UBE3C: variants seen among roughly 807,000 people sequenced by gnomAD.
UBE3C encodes ubiquitin-protein ligase E3C.
UBE3C carries 42 observed loss-of-function variants against 129.4 expected under a neutral mutation model. That is an observed-to-expected ratio of 0.32 (90% CI 0.25 to 0.42). The LOEUF is 0.42. Ranked by LOEUF, UBE3C falls within the 10% of genes least tolerant of loss-of-function variation. UBE3C has a pLI of 1.00. For missense variants in UBE3C, 1,049 were observed against 1,319.1 expected, an observed-to-expected ratio of 0.80 and a Z score of 3.17; for synonymous variants, 510 against 492.4, an observed-to-expected ratio of 1.04 and a Z score of -0.47.
intron 18 of UBE3C, among the ~76,000 whole-genome samples, chr7:157,239,450 G>A (rs1796239435): frequency 6.6e-6 from 1 of 152,198 alleles, no homozygotes. Flanking sequence ...AACACTGGAA[G>A]GGGGTGCAGG....
chr7:157,149,180 C>G (rs897387300), intron 1 of UBE3C, among the ~76,000 whole-genome samples: 1 of 152,144 alleles, frequency 6.6e-6, no homozygotes, highest in Non-Finnish European at 1.5e-5. Flanking sequence ...CCTCTGCCTC[C>G]GGAGTAGCTG....
intron 6 of UBE3C, 70 bp downstream of exon 6, chr7:157,178,917 G>A: frequency 6.4e-7 from 1 of 1,558,472 alleles, no homozygotes; most frequent in Non-Finnish European, 8.7e-7. Context: ...CCAGCCTGCT[G>A]CTGTGAGCCT....
chr7:157,241,491 G>A (rs560555524), intron 18 of UBE3C, among the ~76,000 whole-genome samples: 1 of 152,344 alleles, frequency 6.6e-6, no homozygotes, highest in East Asian at 1.9e-4. Flanking sequence ...AGTCATCAAG[G>A]AAGGGCAAAG....
rs147057469 is a variant in UBE3C at position 157,266,743 on chromosome 7, A to C, written c.3082-842A>C. On this transcript the variant is annotated intron_variant, in intron 22 of 22. Coordinates refer to ENST00000348165, the MANE Select transcript of UBE3C (RefSeq NM_014671.3). ...TAGAATAAATCTTGATCCTTTTTAA[A>C]AAATTTTTATAGACAGGGTCTCACT... Among the ~76,000 whole-genome samples, 483 of 152,330 alleles carry C rather than the reference A, an allele frequency of 3.2e-3. 5 individuals carry two copies. The highest frequency in any genetic ancestry group is 0.011 in the African/African-American group (462 of 41,584).
chr7:157,175,145 T>TA, intron 5 of UBE3C, 111 bp downstream of exon 5: 3 of 690,358 alleles, frequency 4.3e-6, no homozygotes, highest in Admixed American at 4.1e-5. Flanking sequence ...TACTTTTTTT[T>TA]TTTTTTTTTT....
rs146166594 is a variant in UBE3C at position 157,166,405 on chromosome 7, G to A, written c.120+2542G>A. Among the ~76,000 whole-genome samples the A allele has an allele frequency of 3.5e-3, 534 of 152,114 alleles. 5 individuals are homozygous for A. The highest frequency in any genetic ancestry group is 0.012 in the African/African-American group (506 of 41,484). ...CCTGAATTATTTTTCTGACTTCTTT[G>A]TATTTTTCAGAATTCCCTTGTATCT... On this transcript the variant is annotated intron_variant, in intron 2 of 22. Coordinates refer to ENST00000348165, the MANE Select transcript of UBE3C (RefSeq NM_014671.3).
chr7:157,198,051 A>C, intron 10 of UBE3C: 1 of 1,608,170 alleles, frequency 6.2e-7, no homozygotes, highest in Non-Finnish European at 8.5e-7. Context: ...CTGAAGCTCC[A>C]GGGGGATCTC....
At chr7:157,237,689 G>A (rs1796187781) in intron 18 of UBE3C, among the ~76,000 whole-genome samples, 1 of 152,136 alleles carries the variant, frequency 6.6e-6, no homozygotes, top group Non-Finnish European at 1.5e-5. Flanking sequence ...CACTCTTGCT[G>A]GCCCCACTTA....
At position 157,236,393 on chromosome 7, in the gene UBE3C, A is replaced by AT. The variant is rs202189153; in HGVS notation, c.2481+5066_2481+5067insT. On this transcript the variant is annotated intron_variant, in intron 18 of 22. Transcript: ENST00000348165. ...GATTTAATTGGGATGGCATGCCTAT[A>AT]AATCAGATTATTTGATATGATCTTG... is the stretch of plus-strand genomic sequence containing the variant. Among the ~76,000 whole-genome samples the AT allele has an allele frequency of 7.7e-3, 1,175 of 152,316 alleles. 9 individuals are homozygous for AT. Among genetic ancestry groups the AT allele is most frequent in the Middle Eastern group, 0.017 (5 of 294 alleles).
intron 8 of UBE3C, among the ~76,000 whole-genome samples, chr7:157,182,969 A>C (rs1161620639): frequency 6.6e-6 from 1 of 152,106 alleles, no homozygotes; most frequent in Non-Finnish European, 1.5e-5. Context: ...GGATGGTCTC[A>C]ATCTCTTGAC....
In UBE3C at chr7:157,195,202, C is replaced by T. The variant is rs146686892; in HGVS notation, c.1332-6519C>T. On this transcript the variant is annotated intron_variant, in intron 10 of 22. Transcript: ENST00000348165. ...TTTCAGAAAAAGCCAAAATTAGAGA[C>T]GGGATTTTCCAGGAAAGATATGTGA... Among the ~76,000 whole-genome samples the T allele has an allele frequency of 2.4e-3, 365 of 152,196 alleles. 2 individuals are homozygous for T. The highest frequency in any genetic ancestry group is 8.1e-3 in the African/African-American group (335 of 41,522).
chr7:157,247,701 AAAG>A (rs1796515461), intron 18 of UBE3C, among the ~76,000 whole-genome samples: 1 of 151,832 alleles, frequency 6.6e-6, no homozygotes. Flanking sequence ...CCAAAAAAAA[AAAG>A]AGCATAAGTA....
At chr7:157,233,296 G>GT (rs892420827) in intron 18 of UBE3C, among the ~76,000 whole-genome samples, 40 of 152,186 alleles carry the variant, frequency 2.6e-4, no homozygotes, top group African/African-American at 8.7e-4. Flanking sequence ...TTTGGGGTTT[G>GT]TTTTTTTCAT....
intron 22 of UBE3C, among the ~76,000 whole-genome samples, chr7:157,264,939 A>C (rs554438100): frequency 6.6e-6 from 1 of 152,096 alleles, no homozygotes; most frequent in African/African-American, 2.4e-5. Context: ...TTTTCACTCA[A>C]CATTACATCA....
chr7:157,156,300 CTTTTTTT>C (rs1173730075), intron 1 of UBE3C, among the ~76,000 whole-genome samples: 2 of 85,872 alleles, frequency 2.3e-5, no homozygotes, highest in African/African-American at 4.9e-5. Flanking sequence ...ACCCCCAGTT[CTTTTTTT>C]TTTTTTTTTT....
intron 11 of UBE3C, among the ~76,000 whole-genome samples, chr7:157,204,979 A>G (rs1328783771): frequency 6.6e-6 from 1 of 152,230 alleles, no homozygotes; most frequent in African/African-American, 2.4e-5. Flanking sequence ...ATCTAGACAG[A>G]GGTTAGGGAT....
In UBE3C at chr7:157,182,082, AAAAAGCTT is replaced by A; in HGVS notation, c.771-25_771-18del. ...GATGGACAGTATAATTTGATTTTAT[AAAAAGCTT>A]CTGTTTTTCTTTTTCAGGCAACAAG... is the stretch of plus-strand genomic sequence containing the variant. On this transcript the variant is annotated intron_variant, in intron 7 of 22. Coordinates refer to ENST00000348165, the MANE Select transcript of UBE3C (RefSeq NM_014671.3). 2 of 1,532,322 alleles carry A rather than the reference AAAAAGCTT, an allele frequency of 1.3e-6. No homozygotes were observed. The highest frequency in any genetic ancestry group is 1.7e-6 in the Non-Finnish European group (2 of 1,145,094). The allele number at this position is 1,532,322 out of a possible 1,614,324, so 94.9% of individuals were successfully genotyped here. A position where few individuals can be genotyped will look rare whatever the true frequency, so the allele number is the denominator to read the frequency against.
intron 19 of UBE3C, among the ~76,000 whole-genome samples, chr7:157,250,178 A>G (rs1037271498): frequency 6.6e-6 from 1 of 152,054 alleles, no homozygotes; most frequent in Non-Finnish European, 1.5e-5. Context: ...GGGAGCTCAT[A>G]CACTGTTCTG....
intron 1 of UBE3C, among the ~76,000 whole-genome samples, chr7:157,160,271 C>T (rs1424908454): frequency 6.6e-6 from 1 of 152,090 alleles, no homozygotes; most frequent in East Asian, 1.9e-4. Context: ...GACGGGGTTC[C>T]ACCATGTAGG....
Sources: allele counts gnomAD v4.1 joint callset (sites outside exome capture counted in the v4.1 genomes callset), GRCh38; gene constraint gnomAD v4.1.1; transcripts MANE v1.5; gene names NCBI Gene and HGNC (gene_info 2026-07-23, HGNC 2026-07-21).